HS6ST2: variants seen among roughly 807,000 people sequenced by gnomAD.
HS6ST2 encodes the protein heparan sulfate 6-O-sulfotransferase 2.
Under a neutral mutation model 33.0 loss-of-function variants are expected in HS6ST2, and 17 were observed. The observed-to-expected ratio is 0.52, with a 90% confidence interval of 0.35 to 0.77. The LOEUF is 0.77. HS6ST2 is among the 30% of genes least tolerant of loss of function. The pLI is 0.01. For missense variants in HS6ST2, 519 were observed against 551.7 expected (o/e 0.94, Z 0.59); for synonymous variants, 248 against 237.1 (o/e 1.05, Z -0.42).
intron 2 of HS6ST2, among the ~76,000 whole-genome samples, chrX:132,828,675 ATT>A (rs1448733813): frequency 4.0e-5 from 2 of 49,422 alleles, no homozygotes; most frequent in Non-Finnish European, 7.1e-5. Context: ...GAAATATCAT[ATT>A]TTATATATAT....
chrX:132,785,694 T>C (rs757636519), intron 2 of HS6ST2, among the ~76,000 whole-genome samples: 2 of 111,879 alleles, frequency 1.8e-5, no homozygotes, highest in Non-Finnish European at 3.8e-5. Context: ...ATGATGGAAG[T>C]TAAAATTGGG....
At chrX:132,637,903 AT>A (rs374929195) in intron 4 of HS6ST2, among the ~76,000 whole-genome samples, 4 of 50,431 alleles carry the variant, frequency 7.9e-5, no homozygotes, top group Admixed American at 2.9e-4. Flanking sequence ...TATATATAAT[AT>A]TATATATAAT....
chrX:132,718,511 A>C (rs2064298327), intron 2 of HS6ST2, among the ~76,000 whole-genome samples: 1 of 111,371 alleles, frequency 9.0e-6, no homozygotes, highest in Non-Finnish European at 1.9e-5. Flanking sequence ...ACAAGGCACT[A>C]ATGTGGAGAG....
chrX:132,640,134 G>T (rs749347624), intron 4 of HS6ST2, among the ~76,000 whole-genome samples: 1 of 110,446 alleles, frequency 9.1e-6, no homozygotes, highest in Non-Finnish European at 1.9e-5. Context: ...CATAATTAGA[G>T]CTGTAGGCAT....
chrX:132,851,330 T>C (rs1440679834), intron 2 of HS6ST2, among the ~76,000 whole-genome samples: 2 of 112,532 alleles, frequency 1.8e-5, no homozygotes, highest in African/African-American at 6.5e-5. Context: ...ATGTCCTTTC[T>C]ATGTAAGACA....
chrX:132,949,490 T>C (rs932895283), intron 2 of HS6ST2, among the ~76,000 whole-genome samples: 1 of 110,319 alleles, frequency 9.1e-6, no homozygotes, highest in African/African-American at 3.3e-5. Flanking sequence ...AAAAGTCAGT[T>C]ATCGAAAATC....
intron 3 of HS6ST2, among the ~76,000 whole-genome samples, chrX:132,696,786 G>A (rs940371975): frequency 1.8e-5 from 2 of 111,720 alleles, no homozygotes; most frequent in East Asian, 2.8e-4. Flanking sequence ...CACACTAAGC[G>A]CCTTTATTAT....
chrX:132,821,189 T>C (rs917590543), intron 2 of HS6ST2, among the ~76,000 whole-genome samples: 1 of 105,667 alleles, frequency 9.5e-6, no homozygotes, highest in African/African-American at 3.5e-5. Context: ...GAAATCATAG[T>C]TCCTGCTTCC....
At chrX:132,736,435 A>T (rs764557206) in intron 2 of HS6ST2, among the ~76,000 whole-genome samples, 2 of 111,877 alleles carry the variant, frequency 1.8e-5, no homozygotes, top group East Asian at 5.6e-4. Context: ...AACGTCTTTT[A>T]AGTACTCTCT....
intron 2 of HS6ST2, among the ~76,000 whole-genome samples, chrX:132,736,263 T>A (rs1193095886): frequency 1.8e-5 from 2 of 111,585 alleles, no homozygotes; most frequent in African/African-American, 6.5e-5. Flanking sequence ...ATTGAAAGCA[T>A]CTGACTCCAA....
At chrX:132,883,705 C>T (rs1471000404) in intron 2 of HS6ST2, among the ~76,000 whole-genome samples, 1 of 110,938 alleles carries the variant, frequency 9.0e-6, no homozygotes, top group Non-Finnish European at 1.9e-5. Context: ...ACTATCAGTC[C>T]TCACCAGAGG....
chrX:132,787,200 C>T (rs751042780), intron 2 of HS6ST2, among the ~76,000 whole-genome samples: 139 of 61,342 alleles, frequency 2.3e-3, no homozygotes, highest in African/African-American at 2.3e-3. Flanking sequence ...TATATATATA[C>T]ACATATATAT....
At chrX:132,721,344 GA>G (rs2064325633) in intron 2 of HS6ST2, among the ~76,000 whole-genome samples, 1 of 111,928 alleles carries the variant, frequency 8.9e-6, no homozygotes, top group East Asian at 2.8e-4. Flanking sequence ...GGATAATGAA[GA>G]AATTAAGAAG....
intron 3 of HS6ST2, among the ~76,000 whole-genome samples, chrX:132,704,436 C>A (rs2064171810): frequency 9.0e-6 from 1 of 110,927 alleles, no homozygotes; most frequent in East Asian, 2.9e-4. Context: ...TGCCTGAAAT[C>A]CCAGCTACTT....
intron 2 of HS6ST2, among the ~76,000 whole-genome samples, chrX:132,781,682 T>A (rs1200661035): frequency 3.6e-5 from 4 of 110,905 alleles, no homozygotes; most frequent in Non-Finnish European, 5.7e-5. Flanking sequence ...AGGTGGAAGG[T>A]GAACGGGAAG....
rs1373627166 is a variant in HS6ST2, at chrX:132,626,476, A to G, written c.*1747T>C. 8.9e-6 allele frequency: 1 copy of G among 112,485 alleles called. No individual in the cohort carries two copies. The highest frequency in any genetic ancestry group is 3.2e-5 in the African/African-American group (1 of 30,951). The allele number at this position is 112,485 out of a possible 1,213,427, so 9.3% of individuals were successfully genotyped here. A position where few individuals can be genotyped will look rare whatever the true frequency, so the allele number is the denominator to read the frequency against. ...AGTTTTTTAGCTCTCAGGATTTTCA[A>G]GACTGCAATACTGTCAGACAAAACA... On this transcript the variant is annotated 3_prime_UTR_variant, in exon 5 of 5. Coordinates refer to ENST00000370833, the MANE Select transcript of HS6ST2 (RefSeq NM_001394073.1).
Position 132,821,463 on chromosome X carries a change from C to T in HS6ST2, c.948-112969G>A, listed in dbSNP as rs374089419. ...TCCTGACCTTGTGATCCGCCCACCT[C>T]GGCCTCCCAAAGTGCTGGGATTACA... On this transcript the variant is annotated intron_variant, in intron 2 of 4. Transcript: ENST00000370833. Among the ~76,000 whole-genome samples the T allele has an allele frequency of 8.2e-5, 9 of 109,678 alleles. No homozygotes were observed. The East Asian group carries it at 1.4e-3, about 18-fold the overall frequency.
rs3066707 is a variant in HS6ST2 at position 132,650,741 on chromosome X, A to ATCTCTCTCTCTCTCTC, written c.1067+18356_1067+18371dup. Among the ~76,000 whole-genome samples, 666 of 87,343 alleles carry ATCTCTCTCTCTCTCTC rather than the reference A, an allele frequency of 7.6e-3. 14 individuals are homozygous for ATCTCTCTCTCTCTCTC. The highest frequency in any genetic ancestry group is 0.027 in the African/African-American group (603 of 22,151). 75.8% of individuals were successfully genotyped at this position (87,343 alleles called of 115,157 possible). On this transcript the variant is annotated intron_variant, in intron 4 of 4. Coordinates refer to ENST00000370833, the MANE Select transcript of HS6ST2 (RefSeq NM_001394073.1). The stretch of plus-strand genomic sequence containing the variant: ...TATGATTATTAAATCCATAGGAGGG[A>ATCTCTCTCTCTCTCTC]TCTCTCTCTCTCTCTCTCTCTCTCT...
chrX:132,801,964 A>G (rs765401055), intron 2 of HS6ST2, among the ~76,000 whole-genome samples: 1 of 112,373 alleles, frequency 8.9e-6, no homozygotes, highest in Admixed American at 9.5e-5. Flanking sequence ...CAGGGTAAAT[A>G]TTAATGTGAA....
Sources: gnomAD v4.1 joint callset for allele counts (sites outside exome capture counted in the v4.1 genomes callset) on GRCh38, gnomAD v4.1.1 for gene constraint, MANE v1.5 for transcripts, NCBI Gene and HGNC (gene_info 2026-07-23, HGNC 2026-07-21) for gene names.